Variants in CDH23 observed in about 807,000 individuals in gnomAD.
CDH23 encodes the protein cadherin-23.
A neutral mutation model predicts 317.1 loss-of-function variants in CDH23; 189 were observed. That is an observed-to-expected ratio of 0.60 (90% CI 0.53 to 0.67). The LOEUF (loss-of-function observed/expected upper bound fraction) is 0.67, where lower values mean the gene tolerates loss of function less well. Among genes scored for constraint, CDH23 ranks in the 30% least tolerant of loss-of-function variants. The pLI, the probability that CDH23 is intolerant of heterozygous loss-of-function variation, is 0.00. For missense variants in CDH23, 4,401 were observed against 4,592.4 expected (o/e 0.96, Z 1.20); for synonymous variants, 1,839 against 1,876.8 (o/e 0.98, Z 0.52).
At chr10:71,506,678 C>T (rs1853655675) in intron 3 of CDH23, among the ~76,000 whole-genome samples, 1 of 152,192 alleles carries the variant, frequency 6.6e-6, no homozygotes, top group South Asian at 2.1e-4. Context: ...GGGCTGGGCC[C>T]AGCTTCTGTA....
chr10:71,635,591 G>T (rs1297135683), intron 11 of CDH23, among the ~76,000 whole-genome samples: 1 of 152,094 alleles, frequency 6.6e-6, no homozygotes, highest in Admixed American at 6.5e-5. Flanking sequence ...AGGAGGGAGG[G>T]GAGGCTGGCT....
At position 71,760,892 on chromosome 10, in the gene CDH23, G is replaced by A. The variant is rs143030978; in HGVS notation, c.4846-16788G>A. 995 of 1,613,758 alleles carry A rather than the reference G, an allele frequency of 6.2e-4. 1 individual carries two copies. The highest frequency in any genetic ancestry group is 9.9e-4 in the Middle Eastern group (6 of 6,052). On this transcript the variant is annotated intron_variant, in intron 38 of 69. Transcript: ENST00000224721. ...CTTTCACTATCCTGGGAGGAGGATGGGTACACCACACAGTTGGATGGTGCA... is the reference window on the plus strand; with the variant it reads ...CTTTCACTATCCTGGGAGGAGGATGAGTACACCACACAGTTGGATGGTGCA...
At chr10:71,702,304 G>A (rs1171609426) in intron 23 of CDH23, 93 bp downstream of exon 23, 2 of 1,390,886 alleles carry the variant, frequency 1.4e-6, no homozygotes, top group Non-Finnish European at 2.0e-6. Flanking sequence ...GCCCACCCAG[G>A]AGGTCTATGT....
chr10:71,658,545 C>T (rs930425864), intron 14 of CDH23, among the ~76,000 whole-genome samples: 4 of 152,244 alleles, frequency 2.6e-5, no homozygotes, highest in Non-Finnish European at 5.9e-5. Flanking sequence ...GACCGAGCAG[C>T]TCTGTCTGCG....
At chr10:71,610,765 T>C (rs1860829701) in intron 9 of CDH23, among the ~76,000 whole-genome samples, 1 of 143,900 alleles carries the variant, frequency 6.9e-6, no homozygotes. Flanking sequence ...AGCCTCTCTC[T>C]TGCAAATCTG....
At chr10:71,687,863 A>AT (rs1864972620) in intron 19 of CDH23, 144 bp downstream of exon 19, 15 of 764,892 alleles carry the variant, frequency 2.0e-5, no homozygotes, top group Non-Finnish European at 3.3e-5. Flanking sequence ...TCCTTGACAA[A>AT]TCGGGGAGCC....
chr10:71,548,598 G>A (rs551414987), intron 6 of CDH23, among the ~76,000 whole-genome samples: 3 of 152,342 alleles, frequency 2.0e-5, no homozygotes, highest in South Asian at 2.1e-4. Context: ...GTCTCTGGGT[G>A]TGTGATGCCA....
chr10:71,615,197 G>T (rs565549323), intron 9 of CDH23, among the ~76,000 whole-genome samples: 1 of 152,264 alleles, frequency 6.6e-6, no homozygotes, highest in African/African-American at 2.4e-5. Flanking sequence ...GAAATCAAGC[G>T]AGTCTAGAGA....
chr10:71,440,546 C>T (rs1459717588), intron 2 of CDH23, among the ~76,000 whole-genome samples: 2 of 152,192 alleles, frequency 1.3e-5, no homozygotes, highest in African/African-American at 2.4e-5. Context: ...GGAAGAAAGG[C>T]GTCCTGCTGG....
Position 71,579,865 on chromosome 10 carries a change from C to G in CDH23, c.832+1873C>G, listed in dbSNP as rs562853432. Among the ~76,000 whole-genome samples, 10 of 152,242 alleles carry G rather than the reference C, an allele frequency of 6.6e-5. No individual in the cohort carries two copies. The South Asian group carries it at 2.1e-3, about 32-fold the overall frequency. On this transcript the variant is annotated intron_variant, in intron 9 of 69. Coordinates refer to ENST00000224721, the MANE Select transcript of CDH23 (RefSeq NM_022124.6). ...AGAACTGAGGGAACACCGGTGAGCC[C>G]TGGGTGATGGAGCTGGGGAGCCAGG...
rs375907609 is a variant in CDH23 at position 71,811,364 on chromosome 10, C to T, written c.9127C>T (p.Arg3043Trp). 1.1e-5 allele frequency: 17 copies of T among 1,613,776 alleles called. No homozygotes were observed. The highest frequency in any genetic ancestry group is 4.5e-5 in the East Asian group (2 of 44,886). The stretch of plus-strand genomic sequence containing the variant: ...CAAGGAGCAGCTACGGAATCTTTTC[C>T]GGAACTACAACGTCCTGGACGTGCA... ...ENKEQLRNLF[R>W]NYNVLDVQPA... Residue 3043 changes from arginine to tryptophan, a missense_variant, in exon 63 of 70, where the codon CGG (arginine) becomes TGG (tryptophan). Arg to Trp is a moderately radical substitution (Grantham distance 101, BLOSUM62 -3). Coordinates refer to ENST00000224721, the MANE Select transcript of CDH23 (RefSeq NM_022124.6).
intron 3 of CDH23, among the ~76,000 whole-genome samples, chr10:71,466,484 C>A (rs1228699432): frequency 6.6e-6 from 1 of 151,816 alleles, no homozygotes; most frequent in East Asian, 1.9e-4. Context: ...GTGTGCCCCA[C>A]CTCACGGATA....
chr10:71,527,232 G>A (rs958689961), intron 6 of CDH23, among the ~76,000 whole-genome samples: 7 of 152,248 alleles, frequency 4.6e-5, no homozygotes, highest in Non-Finnish European at 1.0e-4. Context: ...GGGCACGCAC[G>A]CGTGCACACA....
chr10:71,628,161 G>A (rs571377121), intron 11 of CDH23, among the ~76,000 whole-genome samples: 25 of 152,348 alleles, frequency 1.6e-4, no homozygotes, highest in African/African-American at 5.8e-4. Flanking sequence ...ATCATGGGCC[G>A]TGAAATGTCC....
chr10:71,760,568 T>C, intron 38 of CDH23: 1 of 302,006 alleles, frequency 3.3e-6, no homozygotes, highest in Non-Finnish European at 6.3e-6. Flanking sequence ...GGCACTTAGC[T>C]GCCTGGGGCA....
chr10:71,765,144 C>T (rs1208098473), intron 38 of CDH23, among the ~76,000 whole-genome samples: 2 of 152,226 alleles, frequency 1.3e-5, no homozygotes, highest in East Asian at 1.9e-4. Context: ...TGTGCTGCCC[C>T]CTTCCCCAGC....
chr10:71,707,454 C>T lies in CDH23; in HGVS notation c.3106+405C>T, dbSNP rs143378238. 770 of 1,216,680 alleles carry T rather than the reference C, an allele frequency of 6.3e-4. 3 individuals carry two copies. In the African/African-American group the frequency reaches 0.011, roughly 17 times the overall value. The allele number at this position is 1,216,680 out of a possible 1,614,324, so 75.4% of individuals were successfully genotyped here. A position where few individuals can be genotyped will look rare whatever the true frequency, so the allele number is the denominator to read the frequency against. ...CTTGGGGACCTGTTGAGAATTCCCA[C>T]CTGTTTAGAGGCAGATGGTTTTGAT... On this transcript the variant is annotated intron_variant, in intron 26 of 69. Coordinates refer to ENST00000224721, the MANE Select transcript of CDH23 (RefSeq NM_022124.6).
chr10:71,782,723 G>A (rs111496108), intron 41 of CDH23, among the ~76,000 whole-genome samples: 2 of 152,342 alleles, frequency 1.3e-5, no homozygotes, highest in African/African-American at 2.4e-5. Flanking sequence ...GCATATGGCC[G>A]GGGCTTGAGA....
intron 38 of CDH23, chr10:71,773,445 C>T (rs754304504): frequency 1.3e-6 from 2 of 1,588,622 alleles, no homozygotes; most frequent in South Asian, 2.3e-5. Flanking sequence ...CCCATGTCGC[C>T]GTCGGACGCG....
Sources: allele counts gnomAD v4.1 joint callset (sites outside exome capture counted in the v4.1 genomes callset), GRCh38; gene constraint gnomAD v4.1.1; transcripts MANE v1.5; gene names NCBI Gene and HGNC (gene_info 2026-07-23, HGNC 2026-07-21).